The following SLC22A25 variants were observed in gnomAD, a reference collection of about 807,000 sequenced individuals.
SLC22A25 encodes MGI:2442751, MGI:2385316, MGI:3042283, MGI:3645714, MGI:3605624, MGI:2442750.
A neutral mutation model predicts 45.9 loss-of-function variants in SLC22A25; 44 were observed. The observed-to-expected ratio is 0.96, with a 90% CI of 0.75 to 1.23. The LOEUF is 1.23. Ranked by LOEUF, SLC22A25 falls within the 50% of genes most tolerant of loss-of-function variation. The pLI is 0.00. For missense variants in SLC22A25, 800 were observed against 666.4 expected (o/e 1.20, Z -2.21); for synonymous variants, 283 against 238.6 (o/e 1.19, Z -1.72).
Position 63,242,240 on chromosome 11 carries a change from C to T in SLC22A25, c.-996+1194G>A, listed in dbSNP as rs544556053. ...AGAGCAGGTGGAAAAAACCACACAC[C>T]GAAAACCACATACTAACTTTAATAT... On this transcript the variant is annotated intron_variant, in intron 1 of 11. Coordinates refer to ENST00000306494, the MANE Select transcript of SLC22A25 (RefSeq NM_199352.6). Among the ~76,000 whole-genome samples the T allele has an allele frequency of 1.2e-4, 18 of 152,248 alleles. 1 individual carries two copies. In the Middle Eastern group the frequency reaches 0.01, roughly 86 times the overall value.
intron 7 of SLC22A25, among the ~76,000 whole-genome samples, chr11:63,195,774 T>C (rs939654134): frequency 6.6e-6 from 1 of 151,732 alleles, no homozygotes; most frequent in African/African-American, 2.4e-5. Flanking sequence ...CTGAAGGAGA[T>C]AGAGACACAA....
At chr11:63,203,049 G>C (rs1003207932) in intron 7 of SLC22A25, among the ~76,000 whole-genome samples, 2 of 152,212 alleles carry the variant, frequency 1.3e-5, no homozygotes, top group Non-Finnish European at 2.9e-5. Flanking sequence ...AATGCCATCA[G>C]ACCTGCGGCA....
In SLC22A25 at chr11:63,161,484, C is replaced by G. The variant is rs565179635; in HGVS notation, c.*2340G>C. Among the ~76,000 whole-genome samples, 4 of 152,194 alleles carry G rather than the reference C, an allele frequency of 2.6e-5. No homozygotes were observed. In the South Asian group the frequency reaches 8.3e-4, roughly 32 times the overall value. ...TCTTGAATTGTAGCTCCCACAATTC[C>G]CACACATCATGGGAGGGATCCAGTG... On this transcript the variant is annotated 3_prime_UTR_variant, in exon 12 of 12. Coordinates refer to ENST00000306494, the MANE Select transcript of SLC22A25 (RefSeq NM_199352.6).
intron 7 of SLC22A25, among the ~76,000 whole-genome samples, chr11:63,189,272 T>C (rs560335329): frequency 5.1e-4 from 77 of 152,362 alleles, no homozygotes; most frequent in South Asian, 1.7e-3. Context: ...GCTCTTCTTG[T>C]TGAATTGACC....
chr11:63,207,672 C>T (rs2089442993), intron 7 of SLC22A25, among the ~76,000 whole-genome samples: 1 of 152,126 alleles, frequency 6.6e-6, no homozygotes, highest in Non-Finnish European at 1.5e-5. Flanking sequence ...GAGCTGGAGT[C>T]CTTTAAAAAT....
At chr11:63,186,541 T>C (rs2134744144) in intron 7 of SLC22A25, among the ~76,000 whole-genome samples, 1 of 152,192 alleles carries the variant, frequency 6.6e-6, no homozygotes, top group East Asian at 1.9e-4. Context: ...AGAAGCTCTT[T>C]AGTTTAATTA....
At chr11:63,223,469 G>A (rs2089896290) in intron 5 of SLC22A25, among the ~76,000 whole-genome samples, 1 of 151,952 alleles carries the variant, frequency 6.6e-6, no homozygotes, top group African/African-American at 2.4e-5. Flanking sequence ...CAGTTGTAAT[G>A]TCTCTTTTTT....
intron 10 of SLC22A25, among the ~76,000 whole-genome samples, chr11:63,165,355 T>C (rs1479833935): frequency 6.6e-6 from 1 of 152,182 alleles, no homozygotes; most frequent in Non-Finnish European, 1.5e-5. Flanking sequence ...CCTGGTATTC[T>C]CTTAAGTACA....
chr11:63,220,059 C>A (rs1472438575), intron 5 of SLC22A25: 3 of 1,225,414 alleles, frequency 2.4e-6, no homozygotes, highest in Admixed American at 4.6e-5. Context: ...TTAGAGGGTA[C>A]CCCAAACTTC....
intron 3 of SLC22A25, among the ~76,000 whole-genome samples, chr11:63,232,955 GAGCC>G (rs2090097031): frequency 6.6e-6 from 1 of 152,094 alleles, no homozygotes; most frequent in Non-Finnish European, 1.5e-5. Flanking sequence ...TGCATATGTT[GAGCC>G]AGCCTTGCAT....
chr11:63,185,767 C>G (rs2088515257), intron 7 of SLC22A25, among the ~76,000 whole-genome samples: 1 of 140,582 alleles, frequency 7.1e-6, no homozygotes, highest in Non-Finnish European at 1.5e-5. Flanking sequence ...TTGTTCAATT[C>G]CCACCTATGA....
chr11:63,189,821 T>A (rs1470998749), intron 7 of SLC22A25, among the ~76,000 whole-genome samples: 2 of 152,218 alleles, frequency 1.3e-5, no homozygotes, highest in African/African-American at 2.4e-5. Flanking sequence ...TTTGGCTGGA[T>A]ATGAAATTCT....
At chr11:63,200,089 G>T (rs920681440) in intron 7 of SLC22A25, among the ~76,000 whole-genome samples, 4 of 151,874 alleles carry the variant, frequency 2.6e-5, no homozygotes, top group African/African-American at 9.7e-5. Context: ...GAGAAGAGCT[G>T]GTACTATTCC....
At chr11:63,170,946 C>T (rs924789951) in intron 9 of SLC22A25, among the ~76,000 whole-genome samples, 3 of 152,142 alleles carry the variant, frequency 2.0e-5, no homozygotes, top group Non-Finnish European at 2.9e-5. Flanking sequence ...TCCAGCAGCA[C>T]ATCAAAAGCT....
chr11:63,229,284 G>A lies in SLC22A25; in HGVS notation c.369C>T (p.Asp123=). 1.3e-6 allele frequency: 2 copies of A among 1,574,288 alleles called. No homozygotes were observed. ...TEPCVDGWVY[D]QSSFPSTIVT... is the part of the protein sequence containing the mutation. ...CAATGGTGGAAGGGAAGGAGCTTTG[G>A]TCATATACCCAGCCATCCACACAGG... Residue 123 remains aspartate (D), a synonymous_variant, in exon 4 of 12, where the codon GAC becomes GAT. Transcript: ENST00000306494.
intron 8 of SLC22A25, among the ~76,000 whole-genome samples, chr11:63,183,438 A>G (rs1271591444): frequency 6.6e-6 from 1 of 152,112 alleles, no homozygotes; most frequent in East Asian, 1.9e-4. Context: ...GAGTGAGTCC[A>G]GTGCAAAATT....
intron 4 of SLC22A25, 36 bp downstream of exon 4, chr11:63,229,215 G>A: frequency 6.7e-7 from 1 of 1,488,606 alleles, no homozygotes. Context: ...AAACAGCCAG[G>A]TCATGTACAC....
At chr11:63,166,927 G>A (rs1461322478) in intron 9 of SLC22A25, 2 of 894,456 alleles carry the variant, frequency 2.2e-6, no homozygotes, top group Non-Finnish European at 2.7e-6. Context: ...GCAGCTCCCA[G>A]CGAGAGCAAT....
intron 9 of SLC22A25, among the ~76,000 whole-genome samples, chr11:63,178,576 A>AT (rs2088204477): frequency 2.0e-5 from 3 of 151,620 alleles, no homozygotes; most frequent in African/African-American, 4.8e-5. Flanking sequence ...TGTATTGAGC[A>AT]TTTTTTATAC....
Sources: gnomAD v4.1 joint callset for allele counts (sites outside exome capture counted in the v4.1 genomes callset) on GRCh38, gnomAD v4.1.1 for gene constraint, MANE v1.5 for transcripts, NCBI Gene and HGNC (gene_info 2026-07-23, HGNC 2026-07-21) for gene names.